CSMD1: variants seen among roughly 807,000 people sequenced by gnomAD.
CSMD1 encodes CUB and sushi domain-containing protein 1.
In CSMD1, 213 loss-of-function variants were observed where a neutral mutation model predicts 417.5. That is an observed-to-expected ratio of 0.51 (90% CI 0.46 to 0.57). The LOEUF is 0.57. CSMD1 is among the 20% of genes least tolerant of loss of function. The pLI, the probability that CSMD1 is intolerant of heterozygous loss-of-function variation, is 0.00. For missense variants in CSMD1, 6,923 were observed against 4,529.7 expected (o/e 1.53, Z -15.17); for synonymous variants, 2,862 against 1,736.8 (o/e 1.65, Z -16.11).
intron 2 of CSMD1, among the ~76,000 whole-genome samples, chr8:4,613,093 A>G (rs576255277): frequency 6.6e-6 from 1 of 152,292 alleles, no homozygotes; most frequent in Non-Finnish European, 1.5e-5. Flanking sequence ...GGCTTGTCTT[A>G]TAGCTGAATG....
At chr8:3,399,715 A>C (rs1377873067) in intron 15 of CSMD1, among the ~76,000 whole-genome samples, 186 bp from the exon 16 acceptor site, 2 of 152,202 alleles carry the variant, frequency 1.3e-5, no homozygotes, top group Non-Finnish European at 2.9e-5. Context: ...TGCTACCTCC[A>C]TGTACTTACC....
chr8:3,991,034 C>CA (rs1814704171), intron 5 of CSMD1, among the ~76,000 whole-genome samples: 1 of 152,196 alleles, frequency 6.6e-6, no homozygotes, highest in Non-Finnish European at 1.5e-5. Context: ...CTGCCTGCTT[C>CA]ACTCCACTTG....
chr8:4,664,895 G>C (rs995571659), intron 1 of CSMD1, among the ~76,000 whole-genome samples: 8 of 152,044 alleles, frequency 5.3e-5, no homozygotes, highest in African/African-American at 1.4e-4. Context: ...CTTCTTTACA[G>C]TTTCTATTTA....
chr8:2,983,161 A>C (rs1044140693), intron 54 of CSMD1, among the ~76,000 whole-genome samples: 2 of 152,116 alleles, frequency 1.3e-5, no homozygotes, highest in Non-Finnish European at 2.9e-5. Flanking sequence ...TATTAAACAG[A>C]ATCTATATCT....
chr8:3,763,298 G>A (rs1798108618), intron 5 of CSMD1, among the ~76,000 whole-genome samples: 1 of 152,152 alleles, frequency 6.6e-6, no homozygotes, highest in African/African-American at 2.4e-5. Flanking sequence ...GTTGACATAT[G>A]ATTGCCGGTA....
At chr8:3,349,169 T>A (rs1321977557) in intron 21 of CSMD1, among the ~76,000 whole-genome samples, 3 of 152,200 alleles carry the variant, frequency 2.0e-5, no homozygotes, top group Non-Finnish European at 4.4e-5. Flanking sequence ...AGGTATGTAC[T>A]GAGAGCAGGA....
intron 2 of CSMD1, among the ~76,000 whole-genome samples, chr8:4,431,263 TA>T (rs1797855242): frequency 6.6e-6 from 1 of 152,176 alleles, no homozygotes; most frequent in South Asian, 2.1e-4. Flanking sequence ...AGATGTTAAA[TA>T]ATAATATGCA....
At chr8:4,548,925 T>A (rs1797746857) in intron 2 of CSMD1, among the ~76,000 whole-genome samples, 1 of 152,204 alleles carries the variant, frequency 6.6e-6, no homozygotes, top group Non-Finnish European at 1.5e-5. Flanking sequence ...GAAATTTCTC[T>A]TACCTCCATA....
At chr8:4,487,682 A>G (rs1302072058) in intron 2 of CSMD1, among the ~76,000 whole-genome samples, 1 of 152,226 alleles carries the variant, frequency 6.6e-6, no homozygotes, top group African/African-American at 2.4e-5. Context: ...TAAAATAATT[A>G]AGTCCATTTA....
chr8:4,574,238 AG>A (rs1347206305), intron 2 of CSMD1, among the ~76,000 whole-genome samples: 2 of 152,118 alleles, frequency 1.3e-5, no homozygotes, highest in African/African-American at 4.8e-5. Context: ...CTTGAAACCC[AG>A]GGCCCTGGTG....
At chr8:4,864,469 C>T (rs1040290192) in intron 1 of CSMD1, among the ~76,000 whole-genome samples, 2 of 151,836 alleles carry the variant, frequency 1.3e-5, no homozygotes, top group African/African-American at 4.8e-5. Flanking sequence ...AGACAAAAAT[C>T]ATTGCTCAGA....
chr8:4,410,855 G>A (rs932308394), intron 3 of CSMD1, among the ~76,000 whole-genome samples: 1 of 152,316 alleles, frequency 6.6e-6, no homozygotes, highest in Admixed American at 6.5e-5. Context: ...TTAACTGTCA[G>A]TGTAATAAGT....
At chr8:4,460,160 AAATT>A (rs1307871811) in intron 2 of CSMD1, among the ~76,000 whole-genome samples, 5 of 152,218 alleles carry the variant, frequency 3.3e-5, no homozygotes, top group Admixed American at 1.3e-4. Context: ...TTATATAAAT[AAATT>A]ATCTGAGCTC....
At chr8:3,869,934 G>C (rs1805366816) in intron 5 of CSMD1, among the ~76,000 whole-genome samples, 1 of 151,792 alleles carries the variant, frequency 6.6e-6, no homozygotes, top group African/African-American at 2.4e-5. Context: ...TTAAGCAAAA[G>C]AGAGTGAGCT....
chr8:4,403,563 A>G (rs1420345798), intron 3 of CSMD1, among the ~76,000 whole-genome samples: 2 of 152,136 alleles, frequency 1.3e-5, no homozygotes, highest in Non-Finnish European at 2.9e-5. Context: ...TTCCTTCCTG[A>G]AAGGCTTGAG....
At chr8:3,904,990 C>G (rs902935233) in intron 5 of CSMD1, among the ~76,000 whole-genome samples, 2 of 152,032 alleles carry the variant, frequency 1.3e-5, no homozygotes, top group African/African-American at 2.4e-5. Context: ...GAAGAAGTAC[C>G]AAGTTACAAA....
At chr8:3,547,715 A>G (rs1037283202) in intron 10 of CSMD1, among the ~76,000 whole-genome samples, 2 of 152,194 alleles carry the variant, frequency 1.3e-5, no homozygotes, top group Non-Finnish European at 2.9e-5. Context: ...CCTATATGAA[A>G]AACAATAGAT....
At chr8:4,295,385 C>G (rs1034960593) in intron 3 of CSMD1, among the ~76,000 whole-genome samples, 1 of 143,276 alleles carries the variant, frequency 7.0e-6, no homozygotes, top group African/African-American at 2.5e-5. Context: ...TTATTATACA[C>G]ATATAATCTT....
At chr8:4,580,834 C>T (rs1799379500) in intron 2 of CSMD1, among the ~76,000 whole-genome samples, 1 of 152,198 alleles carries the variant, frequency 6.6e-6, no homozygotes, top group Admixed American at 6.5e-5. Context: ...GTACATACTG[C>T]CCGCTTCATA....
Sources: gnomAD v4.1 joint callset for allele counts (sites outside exome capture counted in the v4.1 genomes callset) on GRCh38, gnomAD v4.1.1 for gene constraint, MANE v1.5 for transcripts, NCBI Gene and HGNC (gene_info 2026-07-23, HGNC 2026-07-21) for gene names.